The following NFASC variants were observed in gnomAD, a reference collection of about 807,000 sequenced individuals.
The protein encoded by NFASC is neurofascin.
NFASC carries 43 observed loss-of-function variants against 147.5 expected under a neutral mutation model. The ratio of observed to expected loss-of-function variants is 0.29; its 90% CI spans 0.23 to 0.38. NFASC has a LOEUF of 0.38. Among genes scored for constraint, NFASC ranks in the 10% least tolerant of loss-of-function variants. NFASC has a pLI of 1.00. For missense variants in NFASC, 1,320 were observed against 1,689.0 expected (o/e 0.78, Z 3.83); for synonymous variants, 622 against 665.5 (o/e 0.93, Z 1.01).
intron 1 of NFASC, among the ~76,000 whole-genome samples, chr1:204,907,434 C>T (rs1245318797): frequency 6.6e-6 from 1 of 152,166 alleles, no homozygotes; most frequent in East Asian, 1.9e-4. Context: ...GTCTCTCAAA[C>T]AGCTGTCTTA....
rs532970937 is a variant in NFASC, at chr1:205,019,639, A to G, written c.*3100A>G. On this transcript the variant is annotated 3_prime_UTR_variant, in exon 30 of 30. Transcript: ENST00000339876. Reference sequence around the variant, plus strand: ...AGGACACAGTGGCCATTGAGCTGGGAGCATTCTTCCCTCTACCGCTTAAGC... The same window carrying G: ...AGGACACAGTGGCCATTGAGCTGGGGGCATTCTTCCCTCTACCGCTTAAGC... The G allele has an allele frequency of 9.8e-5, 15 of 152,302 alleles. No homozygotes were observed. Among genetic ancestry groups the G allele is most frequent in the African/African-American group, 3.6e-4 (15 of 41,552 alleles). The allele number at this position is 152,302 out of a possible 1,614,324, so 9.4% of individuals were successfully genotyped here.
At chr1:204,834,261 A>T (rs1006711079) in intron 1 of NFASC, among the ~76,000 whole-genome samples, 2 of 149,694 alleles carry the variant, frequency 1.3e-5, no homozygotes, top group African/African-American at 4.9e-5. Flanking sequence ...TTCTGGCCCC[A>T]TTGTTAACTT....
chr1:204,969,094 A>C, intron 10 of NFASC, 112 bp downstream of exon 10: 4 of 946,228 alleles, frequency 4.2e-6, no homozygotes, highest in Non-Finnish European at 4.8e-6. Context: ...CTTCCAGCCC[A>C]CTGCTCAGTG....
chr1:204,832,594 A>T (rs893995447), intron 1 of NFASC, among the ~76,000 whole-genome samples: 1 of 152,154 alleles, frequency 6.6e-6, no homozygotes, highest in Admixed American at 6.5e-5. Flanking sequence ...GCCTAAGGAG[A>T]GAGACTGTCA....
chr1:204,876,852 G>A (rs1223405233), intron 1 of NFASC, among the ~76,000 whole-genome samples: 1 of 151,424 alleles, frequency 6.6e-6, no homozygotes, highest in Non-Finnish European at 1.5e-5. Flanking sequence ...ACTCATAAAT[G>A]TGGAGAGGAG....
chr1:204,860,183 A>G (rs2076539027), intron 1 of NFASC, among the ~76,000 whole-genome samples: 1 of 152,196 alleles, frequency 6.6e-6, no homozygotes, highest in African/African-American at 2.4e-5. Flanking sequence ...TCAAATGGCC[A>G]TGATACTGCA....
At chr1:204,874,036 A>G (rs989509052) in intron 1 of NFASC, among the ~76,000 whole-genome samples, 1 of 152,220 alleles carries the variant, frequency 6.6e-6, no homozygotes, top group African/African-American at 2.4e-5. Context: ...GTGTGATATT[A>G]ATAGCACCTG....
intron 1 of NFASC, among the ~76,000 whole-genome samples, chr1:204,829,908 A>G (rs879563692): frequency 1.3e-5 from 2 of 152,158 alleles, no homozygotes; most frequent in Non-Finnish European, 2.9e-5. Context: ...AAGAGTGGGC[A>G]GAGTGCTGAA....
intron 2 of NFASC, among the ~76,000 whole-genome samples, chr1:204,927,333 G>A (rs1411748390): frequency 2.0e-5 from 3 of 152,084 alleles, no homozygotes; most frequent in Non-Finnish European, 2.9e-5. Context: ...TACAATATGC[G>A]GTCTTTGTGT....
In NFASC at chr1:204,979,444, A is replaced by T; in HGVS notation, c.2061A>T (p.Ser687=). The part of the protein sequence containing the change: ...DHSKYPGSVN[S]AVLRLSPYVN... ...CCAAGTACCCCGGCAGCGTTAACTC[A>T]GCCGTCCTCCGGCTGTCCCCGTATG... Residue 687 remains serine (S), a synonymous_variant, in exon 19 of 30, where the codon TCA becomes TCT. Coordinates refer to ENST00000339876, the MANE Select transcript of NFASC (RefSeq NM_001005388.3). This position sits in a 1 kb window ranked among gnomAD's most constrained non-coding sequence, Gnocchi z 6.0. 13 of 1,613,966 alleles carry T rather than the reference A, an allele frequency of 8.1e-6. No homozygotes were observed. The highest frequency in any genetic ancestry group is 8.5e-6 in the Non-Finnish European group (10 of 1,179,930).
intron 2 of NFASC, among the ~76,000 whole-genome samples, chr1:204,932,591 C>T (rs902917668): frequency 6.6e-6 from 1 of 152,148 alleles, no homozygotes; most frequent in African/African-American, 2.4e-5. Flanking sequence ...GCCTCTGGGC[C>T]AGGTCCAGAC....
At chr1:204,947,801 TC>T (rs1048561117) in intron 3 of NFASC, among the ~76,000 whole-genome samples, 13 of 152,204 alleles carry the variant, frequency 8.5e-5, no homozygotes, top group Admixed American at 2.6e-4. Context: ...AACAATTCCT[TC>T]CCACCTTCAT....
At chr1:204,951,728 C>T (rs936275077) in intron 4 of NFASC, among the ~76,000 whole-genome samples, 3 of 152,134 alleles carry the variant, frequency 2.0e-5, no homozygotes, top group African/African-American at 7.2e-5. Context: ...TTCTGCCTCC[C>T]AAAGTGCTAG....
chr1:204,966,963 C>T (rs2094981148), intron 8 of NFASC, among the ~76,000 whole-genome samples: 2 of 152,174 alleles, frequency 1.3e-5, no homozygotes, highest in African/African-American at 4.8e-5. Flanking sequence ...CCCCAGCAAA[C>T]CCAGCAAGCT....
chr1:204,882,219 C>T (rs2080387316), intron 1 of NFASC, among the ~76,000 whole-genome samples: 1 of 152,060 alleles, frequency 6.6e-6, no homozygotes, highest in African/African-American at 2.4e-5. Context: ...CATTTCAACC[C>T]ACCCCAACCC....
chr1:204,960,174 G>T (rs139192218), intron 8 of NFASC, among the ~76,000 whole-genome samples: 12 of 152,320 alleles, frequency 7.9e-5, no homozygotes, highest in African/African-American at 2.9e-4. Flanking sequence ...CAGCTTCAAA[G>T]GCCCTATTCT....
rs2095466324 is a variant in NFASC at position 204,979,092 on chromosome 1, A to G, written c.1978+23A>G. On this transcript the variant is annotated intron_variant, in intron 18 of 29. Coordinates refer to ENST00000339876, the MANE Select transcript of NFASC (RefSeq NM_001005388.3). The surrounding 1 kb of genome is among the most constrained non-coding windows in gnomAD (Gnocchi z 6.0). ...CAGGTAGCTCAGGGCCTTGCACCCC[A>G]AAGCTGGAAAAGAGGGACGGCAACA... 6.5e-7 allele frequency: 1 copy of G among 1,530,808 alleles called. No homozygotes were observed. The highest frequency in any genetic ancestry group is 8.9e-7 in the Non-Finnish European group (1 of 1,129,580). 94.8% of individuals were successfully genotyped at this position (1,530,808 alleles called of 1,614,324 possible). A position where few individuals can be genotyped will look rare whatever the true frequency, so the allele number is the denominator to read the frequency against.
chr1:204,976,019 C>G (rs1389196521), intron 15 of NFASC, among the ~76,000 whole-genome samples: 1 of 152,142 alleles, frequency 6.6e-6, no homozygotes, highest in Admixed American at 6.5e-5. Context: ...GCCTCCCTCC[C>G]CAGGGCTTAC....
At chr1:204,841,064 G>A (rs1273805590) in intron 1 of NFASC, among the ~76,000 whole-genome samples, 7 of 152,180 alleles carry the variant, frequency 4.6e-5, no homozygotes, top group East Asian at 3.8e-4. Context: ...TCTGACTCAC[G>A]TCCTAACGAC....
Sources: allele counts gnomAD v4.1 joint callset (sites outside exome capture counted in the v4.1 genomes callset), GRCh38; gene constraint gnomAD v4.1.1; non-coding constraint Gnocchi (gnomAD v3.1); transcripts MANE v1.5; gene names NCBI Gene and HGNC (gene_info 2026-07-23, HGNC 2026-07-21).